Variants in WDFY3 observed in about 807,000 individuals in gnomAD.
The protein encoded by WDFY3 is WD repeat and FYVE domain-containing protein 3.
A neutral mutation model predicts 409.6 loss-of-function variants in WDFY3; 66 were observed. The observed-to-expected ratio is 0.16, with a 90% CI of 0.13 to 0.20. The LOEUF (loss-of-function observed/expected upper bound fraction) is 0.20, where lower values mean the gene tolerates loss of function less well. Among genes scored for constraint, WDFY3 ranks in the 10% least tolerant of loss-of-function variants. WDFY3 has a pLI of 1.00. For missense variants in WDFY3, 3,031 were observed against 4,298.1 expected (o/e 0.71, Z 8.24); for synonymous variants, 1,521 against 1,537.1 (o/e 0.99, Z 0.25).
intron 17 of WDFY3, among the ~76,000 whole-genome samples, chr4:84,798,475 T>C (rs1749906405): frequency 6.6e-6 from 1 of 152,164 alleles, no homozygotes. Flanking sequence ...TAGCTATATA[T>C]CTGCTATACA....
chr4:84,893,615 T>G (rs1032465844), intron 3 of WDFY3, among the ~76,000 whole-genome samples: 2 of 152,210 alleles, frequency 1.3e-5, no homozygotes, highest in African/African-American at 4.8e-5. Flanking sequence ...TCTACATTTT[T>G]TATTTCAATA....
intron 56 of WDFY3, 90 bp from the exon 57 acceptor site, chr4:84,696,913 A>C (rs1327303789): frequency 2.6e-6 from 3 of 1,147,338 alleles, no homozygotes; most frequent in African/African-American, 1.6e-5. Context: ...ATGGTGGGTT[A>C]GATTCAATAC....
In WDFY3 at chr4:84,801,764, C is replaced by A; in HGVS notation, c.2708G>T (p.Arg903Leu). ...QVMCEAGLHA[R>L]LLQRCSAALA... The stretch of plus-strand genomic sequence containing the variant: ...TGCAGCACTGCACCTCTGCAGCAGT[C>A]GTGCATGAAGACCAGCTTCACACAT... The change falls in exon 17 of 68, where the codon CGA becomes CTA. Residue 903 changes from arginine to leucine, a missense_variant. This residue lies in a region of WDFY3 where 1,322 missense variants were observed against 1,697.9 expected (regional missense o/e 0.78). Coordinates refer to ENST00000295888, the MANE Select transcript of WDFY3 (RefSeq NM_014991.6). 1 of 1,614,044 alleles carries A rather than the reference C, an allele frequency of 6.2e-7. No individual in the cohort carries two copies.
intron 32 of WDFY3, among the ~76,000 whole-genome samples, chr4:84,764,599 C>G (rs558479929): frequency 1.3e-5 from 2 of 152,000 alleles, no homozygotes; most frequent in African/African-American, 4.8e-5. Flanking sequence ...CAGTGGCTCA[C>G]GCCTGTAATC....
chr4:84,785,873 C>T, intron 24 of WDFY3, 106 bp downstream of exon 24: 5 of 1,363,460 alleles, frequency 3.7e-6, no homozygotes, highest in Non-Finnish European at 5.0e-6. Context: ...ACATGAAAGG[C>T]ATGATTTTTA....
At chr4:84,896,572 A>G (rs1765667482) in intron 3 of WDFY3, among the ~76,000 whole-genome samples, 1 of 152,194 alleles carries the variant, frequency 6.6e-6, no homozygotes, top group African/African-American at 2.4e-5. Context: ...TACACAGTAA[A>G]AGTAAATATC....
chr4:84,700,145 T>C (rs902161337), intron 56 of WDFY3, among the ~76,000 whole-genome samples: 1 of 152,182 alleles, frequency 6.6e-6, no homozygotes, highest in Non-Finnish European at 1.5e-5. Flanking sequence ...TCATGAAGAT[T>C]TACCCCTATG....
chr4:84,821,433 G>C lies in WDFY3; in HGVS notation c.1242C>G (p.Asp414Glu), dbSNP rs768064198. 6.2e-7 allele frequency: 1 copy of C among 1,613,934 alleles called. No homozygotes were observed. The highest frequency in any genetic ancestry group is 1.1e-5 in the South Asian group (1 of 91,080). Residue 414 changes from aspartate to glutamate, a missense_variant, in exon 11 of 68, where the codon GAC becomes GAG. By Grantham distance (45) the Asp-to-Glu change is conservative. Around this residue, in one of 16 missense-constraint regions of WDFY3, gnomAD observed 1,322 missense variants for 1,697.9 expected, o/e 0.78. Transcript: ENST00000295888. ...LDAITNIYMA[D>E]NANYFILESQ... ...ACTCTAGGATGAAGTAATTGGCATT[G>C]TCAGCCATGTAAATATTTGTGATAG... is the stretch of plus-strand genomic sequence containing the variant.
intron 1 of WDFY3, among the ~76,000 whole-genome samples, chr4:84,956,080 T>C (rs1045171394): frequency 5.3e-5 from 8 of 152,308 alleles, no homozygotes; most frequent in Middle Eastern, 3.4e-3. Flanking sequence ...CTCAGGCTAA[T>C]ATTAAATAAG....
intron 51 of WDFY3, 102 bp downstream of exon 51, chr4:84,713,057 C>T: frequency 2.3e-6 from 3 of 1,300,114 alleles, no homozygotes; most frequent in Non-Finnish European, 3.2e-6. Flanking sequence ...TTGCAACCAC[C>T]AGGGGAAAAA....
In WDFY3 at chr4:84,738,880, T is replaced by C. The variant is rs191194160; in HGVS notation, c.6574+130A>G. ...GTTATTGGCATGAGGAGACTCTTTA[T>C]GTATAGGTTGCCCTACTGGGAGAGT... On this transcript the variant is annotated intron_variant, in intron 40 of 67. Coordinates refer to ENST00000295888, the MANE Select transcript of WDFY3 (RefSeq NM_014991.6). 122 of 756,806 alleles carry C rather than the reference T, an allele frequency of 1.6e-4. No homozygotes were observed. The African/African-American group carries it at 1.9e-3, about 12-fold the overall frequency. The allele number at this position is 756,806 out of a possible 1,614,324, so 46.9% of individuals were successfully genotyped here.
chr4:84,712,458 C>G (rs147766313), intron 51 of WDFY3, among the ~76,000 whole-genome samples: 1 of 150,394 alleles, frequency 6.6e-6, no homozygotes, highest in Non-Finnish European at 1.5e-5. Context: ...CAGTGGCTCA[C>G]GCCTGTAATC....
At chr4:84,946,451 C>T (rs1467312686) in intron 1 of WDFY3, among the ~76,000 whole-genome samples, 1 of 152,168 alleles carries the variant, frequency 6.6e-6, no homozygotes, top group African/African-American at 2.4e-5. Flanking sequence ...CAGGAGGCAG[C>T]ATGATATCAC....
At chr4:84,856,244 C>T (rs1213927337) in intron 4 of WDFY3, among the ~76,000 whole-genome samples, 1 of 152,140 alleles carries the variant, frequency 6.6e-6, no homozygotes, top group Non-Finnish European at 1.5e-5. Flanking sequence ...CATTTACATG[C>T]TTCTCAAATA....
chr4:84,762,483 G>C (rs1742824011), intron 32 of WDFY3, among the ~76,000 whole-genome samples: 1 of 120,838 alleles, frequency 8.3e-6, no homozygotes, highest in South Asian at 3.2e-4. Flanking sequence ...GGAGGGGGGA[G>C]GGATAGCATT....
intron 44 of WDFY3, among the ~76,000 whole-genome samples, chr4:84,730,041 T>G: frequency 6.6e-6 from 1 of 152,204 alleles, no homozygotes; most frequent in East Asian, 1.9e-4. Flanking sequence ...AGGCAATATT[T>G]TTTAATATAG....
At chr4:84,723,568 G>A (rs1324545675) in intron 46 of WDFY3, among the ~76,000 whole-genome samples, 1 of 152,140 alleles carries the variant, frequency 6.6e-6, no homozygotes, top group African/African-American at 2.4e-5. Context: ...TACTTACTCA[G>A]TTGAACTGAT....
rs541934679 is a variant in WDFY3 at position 84,841,184 on chromosome 4, C to T, written c.384G>A (p.Thr128=). Residue 128 remains threonine (T), a synonymous_variant, in exon 6 of 68, where the codon ACG becomes ACA. Coordinates refer to ENST00000295888, the MANE Select transcript of WDFY3 (RefSeq NM_014991.6). ...EEASRGWMLL[T]TINLLASSGQ... ...CAGAGGAAGCTAACAAATTAATTGTCGTTAGAAGCATCCAGCCTCTACTGG... is the reference window on the plus strand; with the variant it reads ...CAGAGGAAGCTAACAAATTAATTGTTGTTAGAAGCATCCAGCCTCTACTGG... 4.7e-5 allele frequency: 75 copies of T among 1,611,404 alleles called. No individual in the cohort carries two copies. The highest frequency in any genetic ancestry group is 5.7e-5 in the Non-Finnish European group (67 of 1,179,538).
At chr4:84,863,701 T>C (rs1760982501) in intron 3 of WDFY3, among the ~76,000 whole-genome samples, 1 of 152,168 alleles carries the variant, frequency 6.6e-6, no homozygotes, top group Non-Finnish European at 1.5e-5. Context: ...CTTTATTCCA[T>C]TTTGAGTTAG....
Sources: allele counts gnomAD v4.1 joint callset (sites outside exome capture counted in the v4.1 genomes callset), GRCh38; gene constraint gnomAD v4.1.1; regional missense constraint gnomAD v4.1.1; transcripts MANE v1.5; gene names NCBI Gene and HGNC (gene_info 2026-07-23, HGNC 2026-07-21).